The following DKK3 variants were observed in gnomAD, a reference collection of about 807,000 sequenced individuals.
DKK3 encodes dickkopf Wnt signaling pathway inhibitor 3, also known as dickkopf-related protein 3.
In DKK3, 22 loss-of-function variants were observed where a neutral mutation model predicts 33.2. The ratio of observed to expected loss-of-function variants is 0.66; its 90% CI spans 0.47 to 0.95. DKK3 has a LOEUF of 0.95. DKK3 is among the 40% of genes least tolerant of loss of function. The probability of loss-of-function intolerance (pLI) is 0.00; values close to 1 mark genes in which losing one functional copy is unlikely to be tolerated. For missense variants in DKK3, 398 were observed against 458.4 expected (o/e 0.87, Z 1.20); for synonymous variants, 194 against 188.8 (o/e 1.03, Z -0.23).
intron 3 of DKK3, among the ~76,000 whole-genome samples, chr11:11,976,339 C>T (rs1270963669): frequency 6.6e-6 from 1 of 152,268 alleles, no homozygotes; most frequent in East Asian, 1.9e-4. Context: ...GGAGGCTGCA[C>T]GGAACAAGAA....
At chr11:11,989,033 C>A (rs751082157) in intron 3 of DKK3, among the ~76,000 whole-genome samples, 3 of 152,146 alleles carry the variant, frequency 2.0e-5, no homozygotes, top group Non-Finnish European at 2.9e-5. Context: ...CACTTATGTC[C>A]TCTAGTGCCT....
At position 11,998,739 on chromosome 11, in the gene DKK3, G is replaced by T; in HGVS notation, c.392C>A (p.Thr131Lys). 6.2e-7 allele frequency: 1 copy of T among 1,614,186 alleles called. No homozygotes were observed. Among genetic ancestry groups the T allele is most frequent in the African/African-American group, 1.3e-5 (1 of 75,038 alleles). The change falls in exon 3 of 7, where the codon ACA becomes AAA. Residue 131 changes from threonine to lysine, a missense_variant. By Grantham distance (78) the Thr-to-Lys change is moderately conservative. Coordinates refer to ENST00000683431, the MANE Select transcript of DKK3 (RefSeq NM_001018057.2). ...NQTGQMVFSETVITSVGDEEG... is the reference protein window; with the variant it reads ...NQTGQMVFSEKVITSVGDEEG... Reference sequence around the variant, plus strand: ...TTCGTCTCCCACAGATGTGATAACTGTCTCTGAAAAGACCATTTGTCCAGT... The same window carrying T: ...TTCGTCTCCCACAGATGTGATAACTTTCTCTGAAAAGACCATTTGTCCAGT...
chr11:12,002,493 G>C, intron 1 of DKK3, 56 bp from the exon 2 acceptor site: 1 of 1,557,574 alleles, frequency 6.4e-7, no homozygotes, highest in East Asian at 2.3e-5. Flanking sequence ...ACAAATGGGA[G>C]TCTATTAGAA....
In DKK3 at chr11:11,998,769, T is replaced by C. The variant is rs1221263732; in HGVS notation, c.362A>G (p.Asn121Ser). ...VHREIHKITN[N>S]QTGQMVFSET... Reference sequence around the variant, plus strand: ...TGAAAAGACCATTTGTCCAGTCTGGTTGTTGGTTATCTACAGTAAAACAGG... The same window carrying C: ...TGAAAAGACCATTTGTCCAGTCTGGCTGTTGGTTATCTACAGTAAAACAGG... The change falls in exon 3 of 7, where the codon AAC becomes AGC. Residue 121 changes from asparagine (N) to serine (S), a missense_variant. By Grantham distance (46) the Asn-to-Ser change is conservative. Coordinates refer to ENST00000683431, the MANE Select transcript of DKK3 (RefSeq NM_001018057.2). 1.9e-6 allele frequency: 3 copies of C among 1,614,002 alleles called. No homozygotes were observed. The highest frequency in any genetic ancestry group is 1.7e-6 in the Non-Finnish European group (2 of 1,179,832).
Position 11,964,267 on chromosome 11 carries a change from A to G in DKK3, c.*197T>C. The G allele has an allele frequency of 2.9e-6, 2 of 695,210 alleles. No individual in the cohort carries two copies. Among genetic ancestry groups the G allele is most frequent in the South Asian group, 1.9e-5 (1 of 52,556 alleles). The allele number at this position is 695,210 out of a possible 1,614,324, so 43.1% of individuals were successfully genotyped here. A position where few individuals can be genotyped will look rare whatever the true frequency, so the allele number is the denominator to read the frequency against. On this transcript the variant is annotated 3_prime_UTR_variant, in exon 7 of 7. Coordinates refer to ENST00000683431, the MANE Select transcript of DKK3 (RefSeq NM_001018057.2). ...AGTTTAACCCTGCCTGACTCTCCCA[A>G]GCACCAGACTGTGAAGCCTGGAGAA...
At chr11:11,986,306 T>C (rs775702731) in intron 3 of DKK3, among the ~76,000 whole-genome samples, 1 of 152,132 alleles carries the variant, frequency 6.6e-6, no homozygotes, top group Non-Finnish European at 1.5e-5. Context: ...ATGGCCAACC[T>C]CTTCAGACAC....
At chr11:12,007,393 C>G (rs7119974) in intron 1 of DKK3, among the ~76,000 whole-genome samples, 1 of 152,170 alleles carries the variant, frequency 6.6e-6, no homozygotes, top group Admixed American at 6.5e-5. Context: ...TTGGGCCCAA[C>G]AGCGCCCTCG....
intron 5 of DKK3, 88 bp downstream of exon 5, chr11:11,966,866 T>G: frequency 6.5e-7 from 1 of 1,550,348 alleles, no homozygotes; most frequent in Non-Finnish European, 8.8e-7. Flanking sequence ...CGCGAAACCA[T>G]GTGGTTGGCA....
In DKK3 at chr11:11,987,285, T is replaced by C. The variant is rs561043501; in HGVS notation, c.435+11411A>G. Among the ~76,000 whole-genome samples, 57 of 152,270 alleles carry C rather than the reference T, an allele frequency of 3.7e-4. No individual in the cohort carries two copies. The South Asian group carries it at 0.011, about 31-fold the overall frequency. On this transcript the variant is annotated intron_variant, in intron 3 of 6. Coordinates refer to ENST00000683431, the MANE Select transcript of DKK3 (RefSeq NM_001018057.2). ...TCTCAATTATTAATTTTTTGAGATA[T>C]GATAAAAACAAGGGCACCAAGACCC...
At chr11:11,997,722 C>A (rs1456560865) in intron 3 of DKK3, among the ~76,000 whole-genome samples, 1 of 152,186 alleles carries the variant, frequency 6.6e-6, no homozygotes, top group East Asian at 1.9e-4. Context: ...ACTGGACCCC[C>A]AGCCTGCTGT....
At position 11,993,855 on chromosome 11, in the gene DKK3, C is replaced by CCCTTGCCAACTTGGGGCCCCAACTTGGA. The variant is rs1848236341; in HGVS notation, c.435+4813_435+4840dup. 2.0e-5 allele frequency among the ~76,000 whole-genome samples: 3 copies of CCCTTGCCAACTTGGGGCCCCAACTTGGA among 152,176 alleles called. No homozygotes were observed. In the South Asian group the frequency reaches 6.2e-4, roughly 32 times the overall value. ...TTCTTTCTGCAGAAACCAGTATCAC[C>CCCTTGCCAACTTGGGGCCCCAACTTGGA]CCTTGCCAACTTGGGGCCCCAACTT... is the stretch of plus-strand genomic sequence containing the variant. On this transcript the variant is annotated intron_variant, in intron 3 of 6. Transcript: ENST00000683431.
intron 3 of DKK3, among the ~76,000 whole-genome samples, chr11:11,995,588 G>A (rs1848275628): frequency 6.6e-6 from 1 of 152,214 alleles, no homozygotes; most frequent in Admixed American, 6.5e-5. Context: ...CCATCAAAAG[G>A]GTGCCTTGGC....
At chr11:12,008,995 G>C (rs1452608743), upstream of DKK3, 1 of 996,994 alleles carries the variant, frequency 1.0e-6, no homozygotes, top group African/African-American at 1.7e-5. This position sits in a 1 kb window ranked among gnomAD's most constrained non-coding sequence, Gnocchi z 4.6. Context: ...CCAGGTCAGA[G>C]TGCCCGACCC....
chr11:12,002,490 G>A (rs1212502739), intron 1 of DKK3, 53 bp from the exon 2 acceptor site: 5 of 1,570,954 alleles, frequency 3.2e-6, no homozygotes, highest in Non-Finnish European at 3.4e-6. Context: ...GTTACAAATG[G>A]GAGTCTATTA....
At chr11:12,005,998 A>G (rs189369234) in intron 1 of DKK3, among the ~76,000 whole-genome samples, 3 of 152,332 alleles carry the variant, frequency 2.0e-5, no homozygotes, top group Non-Finnish European at 4.4e-5. Context: ...TCATACTGCT[A>G]CTAGTAATAT....
chr11:11,968,892 C>T (rs1847662920), intron 3 of DKK3: 1 of 156,210 alleles, frequency 6.4e-6, no homozygotes, highest in African/African-American at 2.4e-5. Flanking sequence ...GCCCCAAGGG[C>T]TCTGCTGACT....
intron 4 of DKK3, 108 bp downstream of exon 4, chr11:11,968,287 G>C: frequency 9.9e-7 from 1 of 1,009,134 alleles, no homozygotes; most frequent in Non-Finnish European, 1.4e-6. Context: ...TCCCCATCAT[G>C]GTGAGGCTCT....
At chr11:11,987,514 T>C (rs1397769037) in intron 3 of DKK3, among the ~76,000 whole-genome samples, 2 of 152,222 alleles carry the variant, frequency 1.3e-5, no homozygotes, top group Non-Finnish European at 2.9e-5. Flanking sequence ...CAACTGTCAG[T>C]TGCTGCTTGG....
At chr11:12,004,056 C>A (rs1848488657) in intron 1 of DKK3, among the ~76,000 whole-genome samples, 1 of 152,122 alleles carries the variant, frequency 6.6e-6, no homozygotes, top group South Asian at 2.1e-4. Context: ...AAGAATAGCC[C>A]CCACGTTTGG....
Sources: allele counts gnomAD v4.1 joint callset (sites outside exome capture counted in the v4.1 genomes callset), GRCh38; gene constraint gnomAD v4.1.1; non-coding constraint Gnocchi (gnomAD v3.1); transcripts MANE v1.5; gene names NCBI Gene and HGNC (gene_info 2026-07-23, HGNC 2026-07-21).